PTPRD: variants seen among roughly 807,000 people sequenced by gnomAD.
The protein encoded by PTPRD is protein tyrosine phosphatase receptor type D.
Under a neutral mutation model 214.5 loss-of-function variants are expected in PTPRD, and 34 were observed. That is an observed-to-expected ratio of 0.16 (90% CI 0.12 to 0.21). PTPRD has a LOEUF of 0.21. Among genes scored for constraint, PTPRD ranks in the 10% least tolerant of loss-of-function variants. The pLI, the probability that PTPRD is intolerant of heterozygous loss-of-function variation, is 1.00. For synonymous variants in PTPRD, 1,128 were observed against 845.7 expected (o/e 1.33, Z -5.79); for missense variants, 2,545 against 2,398.7 (o/e 1.06, Z -1.27).
intron 10 of PTPRD, among the ~76,000 whole-genome samples, chr9:9,103,978 G>A (rs1386437721): frequency 6.6e-6 from 1 of 152,048 alleles, no homozygotes; most frequent in Admixed American, 6.6e-5. Flanking sequence ...GCAAGACCCT[G>A]TCTCAAAAAA....
chr9:10,242,935 G>A lies in PTPRD; in HGVS notation c.-545+98028C>T, dbSNP rs557731887. Among the ~76,000 whole-genome samples, 3 of 151,696 alleles carry A rather than the reference G, an allele frequency of 2.0e-5. No homozygotes were observed. The East Asian group carries it at 5.8e-4, about 30-fold the overall frequency. ...AAAAGGAAGGGAAGAGAGGGAGGGA[G>A]GGAGGGAGAGAGAGAGAGAGAGCCA... is the stretch of plus-strand genomic sequence containing the variant. On this transcript the variant is annotated intron_variant, in intron 3 of 45. Coordinates refer to ENST00000381196, the MANE Select transcript of PTPRD (RefSeq NM_002839.4).
intron 9 of PTPRD, among the ~76,000 whole-genome samples, chr9:9,204,336 T>A (rs746265486): frequency 6.6e-6 from 1 of 152,188 alleles, no homozygotes; most frequent in Non-Finnish European, 1.5e-5. Context: ...GTTACTAATT[T>A]TTTTCCTTGG....
At chr9:10,171,685 C>G (rs1167683581) in intron 3 of PTPRD, among the ~76,000 whole-genome samples, 1 of 152,044 alleles carries the variant, frequency 6.6e-6, no homozygotes, top group Admixed American at 6.6e-5. Context: ...CTACCACGCC[C>G]GGCTAATTTT....
intron 11 of PTPRD, among the ~76,000 whole-genome samples, chr9:8,836,009 T>G (rs1299531597): frequency 6.6e-6 from 1 of 152,196 alleles, no homozygotes; most frequent in African/African-American, 2.4e-5. Flanking sequence ...AGTAGGAACT[T>G]CATAAATATT....
intron 9 of PTPRD, among the ~76,000 whole-genome samples, chr9:9,196,674 T>C (rs1239693644): frequency 1.3e-5 from 2 of 152,208 alleles, no homozygotes; most frequent in Admixed American, 1.3e-4. Flanking sequence ...TTACGTGAAA[T>C]CATGCATGCA....
chr9:9,321,330 T>C (rs1595742933), intron 9 of PTPRD, among the ~76,000 whole-genome samples: 1 of 151,868 alleles, frequency 6.6e-6, no homozygotes. Flanking sequence ...CCGAGGCGGG[T>C]GGATCACCTG....
At chr9:9,020,432 T>C (rs968961382) in intron 10 of PTPRD, among the ~76,000 whole-genome samples, 3 of 152,098 alleles carry the variant, frequency 2.0e-5, no homozygotes, top group African/African-American at 7.2e-5. Context: ...ATAATGACAG[T>C]TGACATAAAA....
At chr9:9,349,697 T>C (rs1418552468) in intron 9 of PTPRD, among the ~76,000 whole-genome samples, 2 of 151,958 alleles carry the variant, frequency 1.3e-5, no homozygotes, top group Non-Finnish European at 2.9e-5. Context: ...GATAATAATC[T>C]TTCTCTTTCC....
intron 5 of PTPRD, among the ~76,000 whole-genome samples, chr9:9,920,430 A>G (rs1465188556): frequency 2.0e-5 from 3 of 152,138 alleles, no homozygotes; most frequent in Non-Finnish European, 4.4e-5. Context: ...TGATGTTGAA[A>G]AACATAATAA....
intron 8 of PTPRD, among the ~76,000 whole-genome samples, chr9:9,456,622 A>C (rs2093042048): frequency 6.6e-6 from 1 of 151,922 alleles, no homozygotes; most frequent in African/African-American, 2.4e-5. Context: ...CTAAACTTTA[A>C]TAAGTAATAA....
rs1425083727 is a variant in PTPRD at position 10,364,093 on chromosome 9, G to A, written c.-599-23076C>T. 2.2e-5 allele frequency among the ~76,000 whole-genome samples: 3 copies of A among 135,812 alleles called. No homozygotes were observed. The East Asian group carries it at 7.4e-4, about 34-fold the overall frequency. The allele number at this position is 135,812 out of a possible 152,430, so 89.1% of individuals were successfully genotyped here. ...CGGCTCACTACAAGCTCCCCCTCCCGGGTTCATGCCATTCTCCTACCTCAG... is the reference window on the plus strand; with the variant it reads ...CGGCTCACTACAAGCTCCCCCTCCCAGGTTCATGCCATTCTCCTACCTCAG... On this transcript the variant is annotated intron_variant, in intron 2 of 45. Transcript: ENST00000381196.
At chr9:8,702,560 C>G (rs1432108858) in intron 12 of PTPRD, among the ~76,000 whole-genome samples, 2 of 152,116 alleles carry the variant, frequency 1.3e-5, no homozygotes, top group East Asian at 3.9e-4. Context: ...TAAAGGAGAG[C>G]TGCACAAGAG....
At chr9:9,444,966 G>A (rs956079638) in intron 8 of PTPRD, among the ~76,000 whole-genome samples, 1 of 151,804 alleles carries the variant, frequency 6.6e-6, no homozygotes, top group Non-Finnish European at 1.5e-5. Context: ...TAATTTTCTT[G>A]CTCTATTATG....
chr9:9,296,119 A>G (rs953205805), intron 9 of PTPRD, among the ~76,000 whole-genome samples: 1 of 151,736 alleles, frequency 6.6e-6, no homozygotes, highest in African/African-American at 2.4e-5. Flanking sequence ...TGGCCAGTTA[A>G]TGGGGTTTAG....
chr9:9,466,127 G>A (rs965355603), intron 8 of PTPRD, among the ~76,000 whole-genome samples: 3 of 151,982 alleles, frequency 2.0e-5, no homozygotes, highest in Non-Finnish European at 4.4e-5. Flanking sequence ...GGCCAACATG[G>A]CAAAACCTCC....
intron 31 of PTPRD, among the ~76,000 whole-genome samples, chr9:8,467,325 T>C (rs2096564188): frequency 6.6e-6 from 1 of 151,870 alleles, no homozygotes; most frequent in South Asian, 2.1e-4. Context: ...GGTAGCACTA[T>C]CTTTTAATCT....
intron 5 of PTPRD, among the ~76,000 whole-genome samples, chr9:9,834,295 G>C (rs2056046231): frequency 2.0e-5 from 3 of 151,942 alleles, no homozygotes; most frequent in Admixed American, 2.0e-4. Flanking sequence ...ACTGTATGTA[G>C]TGTGGAAATT....
intron 39 of PTPRD, among the ~76,000 whole-genome samples, chr9:8,360,050 C>T (rs192581167): frequency 6.6e-6 from 1 of 152,000 alleles, no homozygotes; most frequent in Non-Finnish European, 1.5e-5. Flanking sequence ...CATGTTTATT[C>T]CAAAAATAAT....
rs1388609345 is a variant in PTPRD, at chr9:8,735,926, A to AG, written c.-103-1981_-103-1980insC. ...ACTTCGTCTCAAAAAAAAAAAAAAA[A>AG]AAGAAGATTCAGACTTTAAAAAAAA... On this transcript the variant is annotated intron_variant, in intron 11 of 45. Coordinates refer to ENST00000381196, the MANE Select transcript of PTPRD (RefSeq NM_002839.4). 1.8e-3 allele frequency among the ~76,000 whole-genome samples: 269 copies of AG among 150,448 alleles called. 1 individual carries two copies. The highest frequency in any genetic ancestry group is 2.7e-3 in the Non-Finnish European group (183 of 67,434).
Sources: allele counts gnomAD v4.1 joint callset (sites outside exome capture counted in the v4.1 genomes callset), GRCh38; gene constraint gnomAD v4.1.1; transcripts MANE v1.5; gene names NCBI Gene and HGNC (gene_info 2026-07-23, HGNC 2026-07-21).